The following TNRC6A variants were observed in gnomAD, a reference collection of about 807,000 sequenced individuals.
TNRC6A encodes the protein trinucleotide repeat containing adaptor 6A.
In TNRC6A, 44 loss-of-function variants were observed where a neutral mutation model predicts 221.2. The observed-to-expected ratio is 0.20, with a 90% CI of 0.16 to 0.26. The LOEUF is 0.26. Ranked by LOEUF, TNRC6A falls within the 10% of genes least tolerant of loss-of-function variation. TNRC6A has a pLI of 1.00. For synonymous variants in TNRC6A, 847 were observed against 838.5 expected (o/e 1.01, Z -0.18); for missense variants, 2,199 against 2,404.4 (o/e 0.91, Z 1.79).
intron 5 of TNRC6A, among the ~76,000 whole-genome samples, chr16:24,786,253 G>A (rs2057963153): frequency 6.6e-6 from 1 of 152,090 alleles, no homozygotes; most frequent in Non-Finnish European, 1.5e-5. Flanking sequence ...CATTTATTAA[G>A]CACCTAATAT....
chr16:24,738,643 A>C (rs1005879262), intron 2 of TNRC6A, among the ~76,000 whole-genome samples: 5 of 152,198 alleles, frequency 3.3e-5, no homozygotes, highest in Admixed American at 3.3e-4. Context: ...TGGGCAAATA[A>C]ATTTCATTGT....
chr16:24,772,128 C>G (rs1596667774), intron 4 of TNRC6A, among the ~76,000 whole-genome samples: 1 of 152,168 alleles, frequency 6.6e-6, no homozygotes, highest in Non-Finnish European at 1.5e-5. Flanking sequence ...TTTTGTTTTA[C>G]TGGGATAGAT....
chr16:24,758,278 A>G, intron 3 of TNRC6A, 61 bp from the exon 4 acceptor site: 3 of 1,503,624 alleles, frequency 2.0e-6, no homozygotes, highest in Non-Finnish European at 2.8e-6. Flanking sequence ...TTTTATCATA[A>G]CAGTCCATTT....
intron 18 of TNRC6A, among the ~76,000 whole-genome samples, chr16:24,810,862 G>A (rs2058528094): frequency 1.3e-5 from 2 of 152,192 alleles, no homozygotes; most frequent in South Asian, 4.1e-4. Flanking sequence ...GGAGTACACT[G>A]CAAGAGAGTT....
intron 1 of TNRC6A, among the ~76,000 whole-genome samples, chr16:24,627,307 A>G (rs2091224387): frequency 6.6e-6 from 1 of 152,014 alleles, no homozygotes; most frequent in African/African-American, 2.4e-5. Context: ...GTGCTTCACA[A>G]TCCGGGTCAG....
intron 2 of TNRC6A, among the ~76,000 whole-genome samples, chr16:24,749,860 C>T (rs1214439656): frequency 6.6e-6 from 1 of 152,088 alleles, no homozygotes; most frequent in Non-Finnish European, 1.5e-5. Flanking sequence ...CATTATTAGA[C>T]CAGGCGTGGT....
At chr16:24,666,199 T>G (rs1437619335) in intron 2 of TNRC6A, among the ~76,000 whole-genome samples, 3 of 152,046 alleles carry the variant, frequency 2.0e-5, no homozygotes, top group Non-Finnish European at 4.4e-5. Context: ...CCAGGAGCAG[T>G]GGCTCATGCC....
chr16:24,626,766 C>T (rs1445334451), intron 1 of TNRC6A, among the ~76,000 whole-genome samples: 1 of 150,944 alleles, frequency 6.6e-6, no homozygotes, highest in Non-Finnish European at 1.5e-5. Flanking sequence ...TCTCTTGCCT[C>T]AGCCTCCTGA....
intron 4 of TNRC6A, among the ~76,000 whole-genome samples, chr16:24,761,874 C>T (rs2057371852): frequency 6.6e-6 from 1 of 151,852 alleles, no homozygotes; most frequent in African/African-American, 2.4e-5. Flanking sequence ...ACATTCATTT[C>T]AAAAGAATAA....
chr16:24,627,697 C>CTTT (rs57520356), intron 1 of TNRC6A, among the ~76,000 whole-genome samples: 26 of 101,766 alleles, frequency 2.6e-4, no homozygotes, highest in Non-Finnish European at 3.4e-4. Context: ...TCTTTTCTTG[C>CTTT]TTTTTTTTTT....
chr16:24,817,263 ATAAGT>A (rs1255504363), intron 20 of TNRC6A, among the ~76,000 whole-genome samples: 1 of 152,208 alleles, frequency 6.6e-6, no homozygotes, highest in Non-Finnish European at 1.5e-5. Flanking sequence ...TATTAATTTA[ATAAGT>A]TAACATAAAG....
At chr16:24,706,242 T>C (rs2056090894) in intron 2 of TNRC6A, among the ~76,000 whole-genome samples, 1 of 152,176 alleles carries the variant, frequency 6.6e-6, no homozygotes, top group Admixed American at 6.6e-5. Flanking sequence ...TAATTTTATA[T>C]CAATAAAAAT....
chr16:24,675,867 T>C (rs985179693), intron 2 of TNRC6A, among the ~76,000 whole-genome samples: 1 of 151,260 alleles, frequency 6.6e-6, no homozygotes, highest in African/African-American at 2.4e-5. Flanking sequence ...CCTTTGCTGC[T>C]CTGTCTGCTG....
chr16:24,713,369 G>A (rs952255531), intron 2 of TNRC6A, among the ~76,000 whole-genome samples: 1 of 152,014 alleles, frequency 6.6e-6, no homozygotes, highest in African/African-American at 2.4e-5. Flanking sequence ...AGTGAGCAGA[G>A]ATCATGCCAG....
intron 2 of TNRC6A, among the ~76,000 whole-genome samples, chr16:24,698,835 C>A (rs1256844102): frequency 2.0e-5 from 3 of 152,152 alleles, no homozygotes; most frequent in Admixed American, 2.0e-4. Flanking sequence ...CTCAGCCTCC[C>A]AAGTAGCTGG....
In TNRC6A at chr16:24,791,618, A is replaced by G. The variant is rs2058102617; in HGVS notation, c.2976A>G (p.Pro992=). 6.2e-7 allele frequency: 1 copy of G among 1,608,958 alleles called. No individual in the cohort carries two copies. The highest frequency in any genetic ancestry group is 8.5e-7 in the Non-Finnish European group (1 of 1,178,044). The change falls in exon 6 of 25, where the codon CCA becomes CCG. Residue 992 remains proline (P), a synonymous_variant. Coordinates refer to ENST00000395799, the MANE Select transcript of TNRC6A (RefSeq NM_014494.4). The part of the protein sequence containing the change: ...EEPTGWEEPS[P]ESIRRKMEID... ...CCACAGGCTGGGAGGAACCATCCCCAGAATCTATACGTCGCAAAATGGAGA... is the reference window on the plus strand; with the variant it reads ...CCACAGGCTGGGAGGAACCATCCCCGGAATCTATACGTCGCAAAATGGAGA...
At chr16:24,627,838 C>T (rs972391602) in intron 1 of TNRC6A, among the ~76,000 whole-genome samples, 3 of 150,864 alleles carry the variant, frequency 2.0e-5, no homozygotes, top group African/African-American at 7.3e-5. Flanking sequence ...GCTGGGATTA[C>T]AGGCGCCTGC....
At chr16:24,812,125 C>A (rs934180848) in intron 18 of TNRC6A, among the ~76,000 whole-genome samples, 3 of 136,084 alleles carry the variant, frequency 2.2e-5, no homozygotes, top group Non-Finnish European at 4.6e-5. Flanking sequence ...TCTCTGCTCA[C>A]TGCAACCCTC....
At chr16:24,781,790 C>T (rs181238089) in intron 5 of TNRC6A, among the ~76,000 whole-genome samples, 2 of 152,186 alleles carry the variant, frequency 1.3e-5, no homozygotes, top group Admixed American at 1.3e-4. Context: ...ATATGTCTCA[C>T]AGGCCAGTGG....
Sources: allele counts gnomAD v4.1 joint callset (sites outside exome capture counted in the v4.1 genomes callset), GRCh38; gene constraint gnomAD v4.1.1; transcripts MANE v1.5; gene names NCBI Gene and HGNC (gene_info 2026-07-23, HGNC 2026-07-21).